Variants in DNM1 observed in about 807,000 individuals in gnomAD.
The protein encoded by DNM1 is dynamin-1.
DNM1 carries 29 observed loss-of-function variants against 104.6 expected under a neutral mutation model. The ratio of observed to expected loss-of-function variants is 0.28; its 90% CI spans 0.21 to 0.38. The LOEUF (loss-of-function observed/expected upper bound fraction) is 0.38. Among genes scored for constraint, DNM1 ranks in the 10% least tolerant of loss-of-function variants. DNM1 has a pLI of 1.00. For missense variants in DNM1, 640 were observed against 1,189.4 expected, an observed-to-expected ratio of 0.54 and a Z score of 6.79; for synonymous variants, 445 against 475.8, an observed-to-expected ratio of 0.94 and a Z score of 0.84.
chr9:128,206,473 C>T (rs1833980629), intron 1 of DNM1, among the ~76,000 whole-genome samples: 1 of 152,146 alleles, frequency 6.6e-6, no homozygotes, highest in Non-Finnish European at 1.5e-5. Context: ...AAGACCAAGA[C>T]TCTGCACTGC....
At chr9:128,233,748 C>G (rs1835837780) in intron 10 of DNM1, 1 of 530,556 alleles carries the variant, frequency 1.9e-6, no homozygotes, top group Non-Finnish European at 3.4e-6. Flanking sequence ...GGAACCACCC[C>G]TCTGCCCTGA....
Position 128,240,292 on chromosome 9 carries a change from A to G in DNM1, c.1557+296A>G. The G allele has an allele frequency of 2.3e-6, 1 of 442,878 alleles. No individual in the cohort carries two copies. The highest frequency in any genetic ancestry group is 2.8e-5 in the South Asian group (1 of 35,450). 27.4% of individuals were successfully genotyped at this position (442,878 alleles called of 1,614,324 possible). A position where few individuals can be genotyped will look rare whatever the true frequency, so the allele number is the denominator to read the frequency against. On this transcript the variant is annotated intron_variant, in intron 14 of 21. Coordinates refer to ENST00000372923, the MANE Select transcript of DNM1 (RefSeq NM_004408.4). The surrounding 1 kb of genome is among the most constrained non-coding windows in gnomAD (Gnocchi z 5.1). ...TGCTCCTTAAACATCTGCTGGATGG[A>G]GGGATGCACGTGAGCAAGACACATT...
In DNM1 at chr9:128,239,794, G is replaced by C. The variant is rs1278792789; in HGVS notation, c.1545+15G>C. 6 of 1,612,240 alleles carry C rather than the reference G, an allele frequency of 3.7e-6. No individual in the cohort carries two copies. In the Admixed American group the frequency reaches 1.0e-4, roughly 27 times the overall value. Reference sequence around the variant, plus strand: ...CAGGGAACCAGGTGAGTGGGGCCCAGCACCCCAGCCCGAGGGATGGAGGGT... The same window carrying C: ...CAGGGAACCAGGTGAGTGGGGCCCACCACCCCAGCCCGAGGGATGGAGGGT... On this transcript the variant is annotated intron_variant, in intron 13 of 21. Coordinates refer to ENST00000372923, the MANE Select transcript of DNM1 (RefSeq NM_004408.4).
intron 11 of DNM1, among the ~76,000 whole-genome samples, chr9:128,237,244 G>C (rs1404488314): frequency 1.3e-5 from 2 of 150,064 alleles, no homozygotes; most frequent in South Asian, 4.2e-4. Context: ...TCCCAGGCCG[G>C]AACCTGGACA....
Position 128,203,626 on chromosome 9 carries a change from A to T in DNM1, c.156A>T (p.Val52=). 3 of 1,530,200 alleles carry T rather than the reference A, an allele frequency of 2.0e-6. No individual in the cohort carries two copies. The highest frequency in any genetic ancestry group is 1.7e-6 in the Non-Finnish European group (2 of 1,145,122). The allele number at this position is 1,530,200 out of a possible 1,614,324, so 94.8% of individuals were successfully genotyped here. ...AGKSSVLENF[V]GRDFLPRGSG... is the part of the protein sequence containing the mutation. ...AGAGCTCGGTGCTCGAGAATTTCGT[A>T]GGCAGGTAGGCGCGGCGCGCCCCCA... The change falls in exon 1 of 22, where the codon GTA becomes GTT. Residue 52 remains valine (V), a synonymous_variant. Transcript: ENST00000372923. The surrounding 1 kb of genome is among the most constrained non-coding windows in gnomAD (Gnocchi z 5.3).
At position 128,254,019 on chromosome 9, in the gene DNM1, G is replaced by A. The variant is rs1282166742; in HGVS notation, c.2535-635G>A. 2.4e-6 allele frequency: 3 copies of A among 1,236,262 alleles called. No homozygotes were observed. Among genetic ancestry groups the A allele is most frequent in the Non-Finnish European group, 1.0e-6 (1 of 991,190 alleles). The allele number at this position is 1,236,262 out of a possible 1,614,324, so 76.6% of individuals were successfully genotyped here. A position where few individuals can be genotyped will look rare whatever the true frequency, so the allele number is the denominator to read the frequency against. On this transcript the variant is annotated intron_variant, in intron 21 of 21. Coordinates refer to ENST00000372923, the MANE Select transcript of DNM1 (RefSeq NM_004408.4). The surrounding 1 kb of genome is among the most constrained non-coding windows in gnomAD (Gnocchi z 6.1). Reference sequence around the variant, plus strand: ...TGCTTTTCCCAGCAGGAAGGGCCCAGCCTCACCTACGAGACCTGCAGCCCC... The same window carrying A: ...TGCTTTTCCCAGCAGGAAGGGCCCAACCTCACCTACGAGACCTGCAGCCCC...
chr9:128,246,599 C>T, intron 16 of DNM1, 96 bp downstream of exon 16: 1 of 835,022 alleles, frequency 1.2e-6, no homozygotes. Context: ...GAGGAACCTC[C>T]CCTAGGCCCC....
At chr9:128,206,036 TAGTGAGA>T (rs1833942946) in intron 1 of DNM1, among the ~76,000 whole-genome samples, 1 of 152,174 alleles carries the variant, frequency 6.6e-6, no homozygotes. Context: ...CTCTGAAAGC[TAGTGAGA>T]AGGCCAGGGA....
At chr9:128,223,275 C>G (rs2131177079) in intron 9 of DNM1, 1 of 194,542 alleles carries the variant, frequency 5.1e-6, no homozygotes, top group East Asian at 1.4e-4. Context: ...TCCACACCCT[C>G]CTGTATTCAC....
intron 1 of DNM1, among the ~76,000 whole-genome samples, chr9:128,212,818 A>C (rs1347512756): frequency 2.0e-5 from 3 of 152,224 alleles, no homozygotes; most frequent in Non-Finnish European, 4.4e-5. Context: ...TTAAAGGCAC[A>C]ATTCAATGAT....
In DNM1 at chr9:128,224,260, G is replaced by A. The variant is rs754423616; in HGVS notation, c.1206G>A (p.Leu402=). The change falls in exon 10 of 22, where the codon CTG becomes CTA. Residue 402 remains leucine, a synonymous_variant. Coordinates refer to ENST00000372923, the MANE Select transcript of DNM1 (RefSeq NM_004408.4). The surrounding 1 kb of genome is among the most constrained non-coding windows in gnomAD (Gnocchi z 4.3). ...CGCTCCGGGCGTTCAGAACGGGGCT[G>A]TTTACCCCAGACATGGCCTTTGAGA... ...IKNIHGIRTG[L]FTPDMAFETI... is the part of the protein sequence containing the mutation. 14 of 1,613,670 alleles carry A rather than the reference G, an allele frequency of 8.7e-6. No homozygotes were observed. The highest frequency in any genetic ancestry group is 1.7e-4 in the Middle Eastern group (1 of 6,042).
At chr9:128,205,819 G>A (rs1470580636) in intron 1 of DNM1, among the ~76,000 whole-genome samples, 4 of 152,220 alleles carry the variant, frequency 2.6e-5, no homozygotes, top group African/African-American at 4.8e-5. Context: ...GACCACAGCA[G>A]ATTTCATCGA....
chr9:128,226,683 G>A (rs868319426), intron 10 of DNM1, among the ~76,000 whole-genome samples: 2 of 152,352 alleles, frequency 1.3e-5, no homozygotes, highest in Non-Finnish European at 2.9e-5. Context: ...TTGCCTGAAA[G>A]CATATTGGAT....
intron 10 of DNM1, 86 bp from the exon 11 acceptor site, chr9:128,233,935 C>T (rs1564341537): frequency 6.4e-6 from 8 of 1,241,864 alleles, no homozygotes; most frequent in Middle Eastern, 2.5e-4. Context: ...CACCCTGCGC[C>T]GCGGATCCCT....
intron 10 of DNM1, among the ~76,000 whole-genome samples, chr9:128,233,354 C>T (rs1352121457): frequency 1.3e-5 from 2 of 152,168 alleles, no homozygotes; most frequent in South Asian, 2.1e-4. Context: ...CCAGGCCCCG[C>T]GGGGTACTGC....
At chr9:128,207,152 G>A (rs944899784) in intron 1 of DNM1, among the ~76,000 whole-genome samples, 1 of 152,090 alleles carries the variant, frequency 6.6e-6, no homozygotes, top group African/African-American at 2.4e-5. Context: ...GAGTAAGGAG[G>A]AGCAGACTGG....
chr9:128,218,387 G>A lies in DNM1; in HGVS notation c.235+83G>A. ...CCAAGCTGAGGGCCAGCCTGGCCAC[G>A]AACTTGCTTGCTGTGTGACTGTGGG... is the stretch of plus-strand genomic sequence containing the variant. On this transcript the variant is annotated intron_variant, in intron 2 of 21. Coordinates refer to ENST00000372923, the MANE Select transcript of DNM1 (RefSeq NM_004408.4). The surrounding 1 kb of genome is among the most constrained non-coding windows in gnomAD (Gnocchi z 4.8). 1 of 1,528,292 alleles carries A rather than the reference G, an allele frequency of 6.5e-7. No individual in the cohort carries two copies. Among genetic ancestry groups the A allele is most frequent in the Admixed American group, 1.7e-5 (1 of 59,902 alleles). 94.7% of individuals were successfully genotyped at this position (1,528,292 alleles called of 1,614,324 possible).
intron 10 of DNM1, among the ~76,000 whole-genome samples, chr9:128,230,965 G>A (rs958013806): frequency 6.6e-6 from 1 of 151,780 alleles, no homozygotes; most frequent in African/African-American, 2.4e-5. Flanking sequence ...ACCACACCCA[G>A]CTAATTTTTG....
At chr9:128,239,668 G>A in intron 12 of DNM1, 60 bp from the exon 13 acceptor site, 1 of 1,549,670 alleles carries the variant, frequency 6.5e-7, no homozygotes, top group Non-Finnish European at 8.9e-7. Flanking sequence ...CCACTAAGCA[G>A]TGGGCAGTAG....
Sources: allele counts gnomAD v4.1 joint callset (sites outside exome capture counted in the v4.1 genomes callset), GRCh38; gene constraint gnomAD v4.1.1; non-coding constraint Gnocchi (gnomAD v3.1); transcripts MANE v1.5; gene names NCBI Gene and HGNC (gene_info 2026-07-23, HGNC 2026-07-21).